Variants in DSCAM observed in about 807,000 individuals in gnomAD.
DSCAM encodes the protein DS cell adhesion molecule.
Under a neutral mutation model 217.7 loss-of-function variants are expected in DSCAM, and 47 were observed. The ratio of observed to expected loss-of-function variants is 0.22; its 90% CI spans 0.17 to 0.28. DSCAM has a LOEUF of 0.28. DSCAM is among the 10% of genes least tolerant of loss of function. The probability of loss-of-function intolerance (pLI) is 1.00; values close to 1 mark genes in which losing one functional copy is unlikely to be tolerated. For missense variants in DSCAM, 2,080 were observed against 2,618.3 expected (o/e 0.79, Z 4.49); for synonymous variants, 1,056 against 1,015.3 (o/e 1.04, Z -0.76).
chr21:40,208,547 T>C (rs115035406), intron 11 of DSCAM, among the ~76,000 whole-genome samples: 4,693 of 152,312 alleles, frequency 0.031, 103 homozygotes, highest in African/African-American at 0.057. Context: ...TTGCTTTCAT[T>C]GTTTTCCCCA....
intron 3 of DSCAM, among the ~76,000 whole-genome samples, chr21:40,610,547 C>T (rs1302177302): frequency 6.6e-6 from 1 of 152,150 alleles, no homozygotes; most frequent in Non-Finnish European, 1.5e-5. Context: ...GTGATTCTGC[C>T]AAAGTGCTTG....
At chr21:40,464,236 A>G (rs759640591) in intron 3 of DSCAM, among the ~76,000 whole-genome samples, 1 of 152,188 alleles carries the variant, frequency 6.6e-6, no homozygotes, top group African/African-American at 2.4e-5. Flanking sequence ...AACATCAATA[A>G]AAGTAAATCA....
At chr21:40,251,257 A>T (rs2073300351) in intron 11 of DSCAM, among the ~76,000 whole-genome samples, 1 of 152,248 alleles carries the variant, frequency 6.6e-6, no homozygotes, top group African/African-American at 2.4e-5. Flanking sequence ...ACAGAAAAAA[A>T]TCAACACATA....
intron 1 of DSCAM, among the ~76,000 whole-genome samples, chr21:40,840,472 T>G (rs1487505384): frequency 6.6e-6 from 1 of 152,172 alleles, no homozygotes; most frequent in Admixed American, 6.5e-5. Context: ...GAATTTTAAA[T>G]CATGCCATTT....
chr21:40,545,883 C>T (rs532664290), intron 3 of DSCAM, among the ~76,000 whole-genome samples: 178 of 152,222 alleles, frequency 1.2e-3, no homozygotes, highest in Non-Finnish European at 1.9e-3. Flanking sequence ...GGCCACGTGT[C>T]AAGGGCTTTG....
rs182357830 is a variant in DSCAM at position 40,377,525 on chromosome 21, C to T, written c.509-8280G>A. Among the ~76,000 whole-genome samples, 397 of 151,996 alleles carry T rather than the reference C, an allele frequency of 2.6e-3. 4 individuals carry two copies. The highest frequency in any genetic ancestry group is 8.9e-3 in the African/African-American group (370 of 41,458). ...TGGGGTTGGGGTGGCCTTGGTAGAA[C>T]AAAGGAGTTGGGGTAGGGGAGATTC... is the stretch of plus-strand genomic sequence containing the variant. On this transcript the variant is annotated intron_variant, in intron 3 of 32. Coordinates refer to ENST00000400454, the MANE Select transcript of DSCAM (RefSeq NM_001389.5).
At chr21:40,267,429 C>A (rs1299035009) in intron 11 of DSCAM, among the ~76,000 whole-genome samples, 1 of 152,128 alleles carries the variant, frequency 6.6e-6, no homozygotes, top group Non-Finnish European at 1.5e-5. Context: ...GTTATGTAAG[C>A]ATCACCACAA....
chr21:40,459,402 T>C (rs2145945243), intron 3 of DSCAM, among the ~76,000 whole-genome samples: 1 of 152,230 alleles, frequency 6.6e-6, no homozygotes, highest in South Asian at 2.1e-4. Flanking sequence ...AAATAAAAAG[T>C]TCATGAGAAC....
chr21:40,259,979 G>A (rs1024647323), intron 11 of DSCAM, among the ~76,000 whole-genome samples: 15 of 151,926 alleles, frequency 9.9e-5, no homozygotes, highest in African/African-American at 3.6e-4. Context: ...CGCCCGCCTC[G>A]GCCTCCCAAA....
chr21:40,484,473 T>C (rs944488169), intron 3 of DSCAM, among the ~76,000 whole-genome samples: 1 of 152,216 alleles, frequency 6.6e-6, no homozygotes, highest in Non-Finnish European at 1.5e-5. Context: ...TCTCTGTGGA[T>C]AGAATCTTCA....
chr21:40,406,206 C>T (rs1238070870), intron 3 of DSCAM, among the ~76,000 whole-genome samples: 3 of 152,106 alleles, frequency 2.0e-5, no homozygotes, highest in Non-Finnish European at 4.4e-5. Context: ...TGGTGGAGAA[C>T]ATAAGCTAGG....
chr21:40,226,455 T>C (rs1161326080), intron 11 of DSCAM, among the ~76,000 whole-genome samples: 1 of 152,116 alleles, frequency 6.6e-6, no homozygotes, highest in Non-Finnish European at 1.5e-5. Context: ...TCGGGAGAGA[T>C]ATCAAGCAGC....
At chr21:40,088,147 G>C (rs1292926045) in intron 21 of DSCAM, among the ~76,000 whole-genome samples, 1 of 152,166 alleles carries the variant, frequency 6.6e-6, no homozygotes, top group Non-Finnish European at 1.5e-5. Flanking sequence ...GTTTTAGCCA[G>C]TATGCTTCAG....
At chr21:40,405,865 C>T (rs1037857939) in intron 3 of DSCAM, among the ~76,000 whole-genome samples, 6 of 152,112 alleles carry the variant, frequency 3.9e-5, no homozygotes, top group Middle Eastern at 3.4e-3. Context: ...GGTGTGGTGG[C>T]GTGCACCTGT....
intron 1 of DSCAM, among the ~76,000 whole-genome samples, chr21:40,711,851 G>T (rs2090783796): frequency 6.6e-6 from 1 of 150,694 alleles, no homozygotes; most frequent in Non-Finnish European, 1.5e-5. Flanking sequence ...CACCCTTGCT[G>T]ATGTCTCTCT....
At chr21:40,260,134 A>C (rs575581673) in intron 11 of DSCAM, among the ~76,000 whole-genome samples, 1 of 152,306 alleles carries the variant, frequency 6.6e-6, no homozygotes, top group Admixed American at 6.5e-5. Context: ...GAATGAGCTG[A>C]AAATCAGGTG....
chr21:40,683,944 G>C (rs188223444), intron 3 of DSCAM, among the ~76,000 whole-genome samples: 2 of 152,014 alleles, frequency 1.3e-5, no homozygotes, highest in Non-Finnish European at 1.5e-5. Flanking sequence ...GGTTAAGACC[G>C]GGCCACGCAC....
chr21:40,188,128 T>A, intron 12 of DSCAM, 141 bp from the exon 13 acceptor site: 7 of 578,322 alleles, frequency 1.2e-5, no homozygotes, highest in African/African-American at 1.9e-5. Context: ...ACACACACAC[T>A]CACAAAACCC....
At position 40,824,598 on chromosome 21, in the gene DSCAM, A is replaced by G. The variant is rs142748282; in HGVS notation, c.43+22021T>C. On this transcript the variant is annotated intron_variant, in intron 1 of 32. Coordinates refer to ENST00000400454, the MANE Select transcript of DSCAM (RefSeq NM_001389.5). ...CTTACTTTTTAAAAAATATTTTTGT[A>G]GAGATTGGGTCTCACCACGTTTTCC... Among the ~76,000 whole-genome samples, 466 of 152,076 alleles carry G rather than the reference A, an allele frequency of 3.1e-3. 2 individuals are homozygous for G. The highest frequency in any genetic ancestry group is 5.9e-3 in the Non-Finnish European group (398 of 68,010).
Sources: gnomAD v4.1 joint callset for allele counts (sites outside exome capture counted in the v4.1 genomes callset) on GRCh38, gnomAD v4.1.1 for gene constraint, MANE v1.5 for transcripts, NCBI Gene and HGNC (gene_info 2026-07-23, HGNC 2026-07-21) for gene names.